The following MYOM1 variants were observed in gnomAD, a reference collection of about 807,000 sequenced individuals.
MYOM1 encodes myomesin-1.
Under a neutral mutation model 205.3 loss-of-function variants are expected in MYOM1, and 164 were observed. The ratio of observed to expected loss-of-function variants is 0.80; its 90% CI spans 0.70 to 0.91. MYOM1 has a LOEUF of 0.91. Among genes scored for constraint, MYOM1 ranks in the 40% least tolerant of loss-of-function variants. The probability of loss-of-function intolerance (pLI) is 0.00; values close to 1 mark genes in which losing one functional copy is unlikely to be tolerated. For missense variants in MYOM1, 2,011 were observed against 2,127.3 expected (o/e 0.95, Z 1.08); for synonymous variants, 772 against 789.4 (o/e 0.98, Z 0.37).
In MYOM1 at chr18:3,185,923, C is replaced by T. The variant is rs571818791; in HGVS notation, c.929+1557G>A. Among the ~76,000 whole-genome samples, 292 of 152,184 alleles carry T rather than the reference C, an allele frequency of 1.9e-3. 1 individual carries two copies. The highest frequency in any genetic ancestry group is 6.5e-3 in the African/African-American group (271 of 41,530). ...TAAGAACAACCTTAGAAGCCAGGAG[C>T]GCTGGCTCACTCCGGTAGTCCCAGC... On this transcript the variant is annotated intron_variant, in intron 5 of 37. Coordinates refer to ENST00000356443, the MANE Select transcript of MYOM1 (RefSeq NM_003803.4).
At chr18:3,129,591 C>T (rs1293309659) in intron 17 of MYOM1, 72 bp from the exon 18 acceptor site, 16 of 1,477,206 alleles carry the variant, frequency 1.1e-5, no homozygotes, top group African/African-American at 2.8e-5. Context: ...TAGGATAGAA[C>T]AAAGAGAAAA....
chr18:3,219,628 C>T lies in MYOM1; in HGVS notation c.-29+175G>A, dbSNP rs1015405096. Among the ~76,000 whole-genome samples the T allele has an allele frequency of 6.6e-6, 1 of 152,216 alleles. No homozygotes were observed. The highest frequency in any genetic ancestry group is 1.5e-5 in the Non-Finnish European group (1 of 68,038). On this transcript the variant is annotated intron_variant, in intron 1 of 37. Coordinates refer to ENST00000356443, the MANE Select transcript of MYOM1 (RefSeq NM_003803.4). This position sits in a 1 kb window ranked among gnomAD's most constrained non-coding sequence, Gnocchi z 4.4. ...AGAAGAGCTGTGCCAGCCCGACTGG[C>T]ACCCGGCTGTTCTGGTTTCCCTCCC...
the MYOM1 span, among the ~76,000 whole-genome samples, chr18:3,228,318 T>TA: frequency 6.6e-6 from 1 of 152,226 alleles, no homozygotes; most frequent in Admixed American, 6.5e-5. This position sits in a 1 kb window ranked among gnomAD's most constrained non-coding sequence, Gnocchi z 4.5. Context: ...ATAGTAAGCG[T>TA]GTCTGCCTTT....
chr18:3,210,057 G>A (rs1001094610), intron 2 of MYOM1, among the ~76,000 whole-genome samples: 3 of 152,000 alleles, frequency 2.0e-5, no homozygotes, highest in Admixed American at 6.5e-5. Flanking sequence ...ATCTCTTTTC[G>A]ACCTCACAAC....
intron 10 of MYOM1, among the ~76,000 whole-genome samples, chr18:3,159,947 C>CTCCT (rs374234856): frequency 1.5e-4 from 20 of 133,374 alleles, no homozygotes; most frequent in African/African-American, 5.6e-4. Context: ...CTCTCCTTCC[C>CTCCT]TCCTTCCTTC....
intron 23 of MYOM1, among the ~76,000 whole-genome samples, chr18:3,102,220 G>A (rs923143905): frequency 2.0e-5 from 3 of 151,798 alleles, no homozygotes; most frequent in African/African-American, 7.3e-5. Context: ...TAGCCAGGAT[G>A]GTTTCGATCT....
At chr18:3,110,208 A>T (rs1272314607) in intron 22 of MYOM1, among the ~76,000 whole-genome samples, 1 of 152,172 alleles carries the variant, frequency 6.6e-6, no homozygotes, top group African/African-American at 2.4e-5. Context: ...TTTGTTCTCC[A>T]TGCTGTGGGT....
intron 28 of MYOM1, 34 bp downstream of exon 28, chr18:3,089,503 A>T: frequency 6.5e-7 from 1 of 1,540,390 alleles, no homozygotes. Context: ...CAAAAAAATT[A>T]AAAATTTTCT....
At chr18:3,126,323 C>CT (rs139040855) in intron 19 of MYOM1, among the ~76,000 whole-genome samples, 20,402 of 135,696 alleles carry the variant, frequency 0.15, 1,661 homozygotes, top group East Asian at 0.34. Context: ...TCCTGGGAAT[C>CT]TTTTTTTTTT....
chr18:3,159,901 CCTTCCTTCCTTCCT>C (rs1180399613), intron 10 of MYOM1, among the ~76,000 whole-genome samples: 1 of 97,866 alleles, frequency 1.0e-5, no homozygotes, highest in African/African-American at 3.4e-5. Flanking sequence ...TTCCTTCCTT[CCTTCCTTCCTTCCT>C]TCCTTCCTTC....
In MYOM1 at chr18:3,152,115, C is replaced by G. The variant is rs2080231962; in HGVS notation, c.1644-222G>C. The stretch of plus-strand genomic sequence containing the variant: ...AAAGAAGCCTCAGGTCCTTCCTGAA[C>G]TCGTAAAAAGCAGGCATCTGAGGGG... On this transcript the variant is annotated intron_variant, in intron 11 of 37. Transcript: ENST00000356443. This position sits in a 1 kb window ranked among gnomAD's most constrained non-coding sequence, Gnocchi z 4.3. Among the ~76,000 whole-genome samples the G allele has an allele frequency of 6.6e-6, 1 of 152,084 alleles. No homozygotes were observed. Among genetic ancestry groups the G allele is most frequent in the Admixed American group, 6.5e-5 (1 of 15,268 alleles).
intron 2 of MYOM1, among the ~76,000 whole-genome samples, chr18:3,211,912 C>T (rs981724248): frequency 6.6e-6 from 1 of 152,192 alleles, no homozygotes; most frequent in African/African-American, 2.4e-5. Flanking sequence ...GATGCATTTC[C>T]AACCCCAGGG....
chr18:3,201,027 T>C (rs974641363), intron 2 of MYOM1, among the ~76,000 whole-genome samples: 5 of 152,154 alleles, frequency 3.3e-5, no homozygotes, highest in African/African-American at 4.8e-5. Context: ...ACAATAATAC[T>C]GTTAATGGTA....
chr18:3,157,578 G>A (rs985979151), intron 10 of MYOM1, among the ~76,000 whole-genome samples: 63 of 151,792 alleles, frequency 4.2e-4, no homozygotes, highest in Admixed American at 3.3e-4. Flanking sequence ...TTGAGAGGCT[G>A]AGGGAAGAGG....
chr18:3,237,624 G>GAAAAAAAAAAAAAAA, the MYOM1 span, among the ~76,000 whole-genome samples: 1 of 138,018 alleles, frequency 7.2e-6, no homozygotes, highest in Non-Finnish European at 1.6e-5. Context: ...AAAAAAAAAG[G>GAAAAAAAAAAAAAAA]AAATACATTC....
At chr18:3,246,262 C>T in the MYOM1 span, 1 of 152,238 alleles carries the variant, frequency 6.6e-6, no homozygotes, top group Non-Finnish European at 1.5e-5. Context: ...GGAACAAACG[C>T]ATCCGCGCAG....
intron 37 of MYOM1, among the ~76,000 whole-genome samples, chr18:3,071,564 G>C (rs978241914): frequency 2.0e-5 from 3 of 152,040 alleles, no homozygotes; most frequent in African/African-American, 7.2e-5. Context: ...TCACCATGTT[G>C]GCCAGGCTGG....
intron 13 of MYOM1, among the ~76,000 whole-genome samples, chr18:3,145,680 A>G (rs1371755006): frequency 6.6e-6 from 1 of 152,156 alleles, no homozygotes; most frequent in Non-Finnish European, 1.5e-5. Flanking sequence ...TTATAAAAGA[A>G]TACTTCAAAT....
intron 26 of MYOM1, among the ~76,000 whole-genome samples, chr18:3,092,107 C>G (rs1209155866): frequency 6.6e-6 from 1 of 152,120 alleles, no homozygotes; most frequent in African/African-American, 2.4e-5. Context: ...TCATCGCTAT[C>G]TCCTTGGCAT....
Sources: gnomAD v4.1 joint callset for allele counts (sites outside exome capture counted in the v4.1 genomes callset) on GRCh38, gnomAD v4.1.1 for gene constraint, Gnocchi (gnomAD v3.1) non-coding constraint, MANE v1.5 for transcripts, NCBI Gene and HGNC (gene_info 2026-07-23, HGNC 2026-07-21) for gene names.